The following GRAMD4 variants were observed in gnomAD, a reference collection of about 807,000 sequenced individuals.
The protein encoded by GRAMD4 is GRAM domain containing 4, also known as GRAM domain-containing protein 4.
Under a neutral mutation model 83.9 loss-of-function variants are expected in GRAMD4, and 25 were observed. The observed-to-expected ratio is 0.30, with a 90% confidence interval of 0.22 to 0.42. The LOEUF (loss-of-function observed/expected upper bound fraction) is 0.42, where lower values mean the gene tolerates loss of function less well. Among genes scored for constraint, GRAMD4 ranks in the 10% least tolerant of loss-of-function variants. The probability of loss-of-function intolerance (pLI) is 1.00; values close to 1 mark genes in which losing one functional copy is unlikely to be tolerated. For missense variants in GRAMD4, 593 were observed against 788.7 expected, an observed-to-expected ratio of 0.75 and a Z score of 2.97; for synonymous variants, 336 against 320.9, an observed-to-expected ratio of 1.05 and a Z score of -0.50.
chr22:46,679,314 G>C lies in GRAMD4; in HGVS notation c.*2063G>C. Reference sequence around the variant, plus strand: ...AGTTCGAGTCCCTTTTGTGGAGAAAGGGAGATGAAAACTGACCACGTGCCA... The same window carrying C: ...AGTTCGAGTCCCTTTTGTGGAGAAACGGAGATGAAAACTGACCACGTGCCA... On this transcript the variant is annotated 3_prime_UTR_variant, in exon 19 of 19. Coordinates refer to ENST00000406902, the MANE Select transcript of GRAMD4 (RefSeq NM_015124.5). The C allele has an allele frequency of 2.0e-6, 2 of 985,462 alleles. No individual in the cohort carries two copies. Among genetic ancestry groups the C allele is most frequent in the Non-Finnish European group, 2.4e-6 (2 of 829,954 alleles). 61.0% of individuals were successfully genotyped at this position (985,462 alleles called of 1,614,324 possible). A position where few individuals can be genotyped will look rare whatever the true frequency, so the allele number is the denominator to read the frequency against.
intron 3 of GRAMD4, among the ~76,000 whole-genome samples, chr22:46,641,968 T>C (rs994271699): frequency 6.6e-6 from 1 of 152,264 alleles, no homozygotes; most frequent in Non-Finnish European, 1.5e-5. Flanking sequence ...AGTTGCATTC[T>C]CTTCTGAGAG....
chr22:46,651,541 G>A (rs906886876), intron 3 of GRAMD4, among the ~76,000 whole-genome samples: 2 of 152,264 alleles, frequency 1.3e-5, no homozygotes, highest in Non-Finnish European at 1.5e-5. Flanking sequence ...CACCCGGGCA[G>A]CCTCCCATCC....
Position 46,656,330 on chromosome 22 carries a change from T to C in GRAMD4, c.284-1857T>C, listed in dbSNP as rs2082244328. Among the ~76,000 whole-genome samples the C allele has an allele frequency of 2.0e-5, 3 of 152,210 alleles. No individual in the cohort carries two copies. The South Asian group carries it at 6.2e-4, about 31-fold the overall frequency. On this transcript the variant is annotated intron_variant, in intron 3 of 18. Coordinates refer to ENST00000406902, the MANE Select transcript of GRAMD4 (RefSeq NM_015124.5). ...CTGGTGAGATGCAGGTGCCTGTCTC[T>C]TCCCTTTTGGGTACCGTGAGCCTGT...
intron 1 of GRAMD4, among the ~76,000 whole-genome samples, chr22:46,600,977 C>G (rs1244353246): frequency 6.6e-6 from 1 of 152,024 alleles, no homozygotes; most frequent in African/African-American, 2.4e-5. Flanking sequence ...AATCCCGTCT[C>G]TACTAAAAAT....
intron 3 of GRAMD4, among the ~76,000 whole-genome samples, chr22:46,639,357 G>A (rs1418741931): frequency 9.3e-6 from 1 of 107,260 alleles, no homozygotes; most frequent in Non-Finnish European, 2.1e-5. Flanking sequence ...CCCTGTGTGT[G>A]CACGTACGTG....
chr22:46,588,009 G>T (rs1245008106), intron 1 of GRAMD4: 2 of 921,688 alleles, frequency 2.2e-6, no homozygotes, highest in Non-Finnish European at 2.6e-6. Context: ...GGCGGGGAGG[G>T]AGTGGGTGGT....
downstream of GRAMD4, among the ~76,000 whole-genome samples, chr22:46,681,392 A>G (rs940880192): frequency 1.4e-4 from 22 of 152,358 alleles, no homozygotes; most frequent in East Asian, 3.5e-3. Context: ...ATATACCTCT[A>G]TCACCATTTA....
chr22:46,630,925 G>A (rs996362184), intron 2 of GRAMD4, among the ~76,000 whole-genome samples: 3 of 148,684 alleles, frequency 2.0e-5, no homozygotes, highest in South Asian at 2.1e-4. Context: ...TAGCTCCCTC[G>A]AGGGCCGTGT....
chr22:46,651,850 G>C lies in GRAMD4; in HGVS notation c.284-6337G>C, dbSNP rs189446972. On this transcript the variant is annotated intron_variant, in intron 3 of 18. Transcript: ENST00000406902. Reference sequence around the variant, plus strand: ...CCTTTGAGGGCGGAGCTGGAGGTGGGGGGGAGAGAGACGGAGCTAGGGGCT... The same window carrying C: ...CCTTTGAGGGCGGAGCTGGAGGTGGCGGGGAGAGAGACGGAGCTAGGGGCT... 1.2e-3 allele frequency among the ~76,000 whole-genome samples: 179 copies of C among 152,320 alleles called. 2 individuals carry two copies. The highest frequency in any genetic ancestry group is 6.4e-3 in the South Asian group (31 of 4,830).
chr22:46,657,034 G>C (rs1466936080), intron 3 of GRAMD4, among the ~76,000 whole-genome samples: 1 of 152,232 alleles, frequency 6.6e-6, no homozygotes. Flanking sequence ...GCAAGCCACT[G>C]CTGCCCCGTA....
chr22:46,666,601 C>T (rs2082412575), intron 9 of GRAMD4, among the ~76,000 whole-genome samples: 1 of 152,124 alleles, frequency 6.6e-6, no homozygotes, highest in Admixed American at 6.5e-5. Context: ...AATATGTCCC[C>T]TCTGCCCAGA....
intron 14 of GRAMD4, 80 bp from the exon 15 acceptor site, chr22:46,673,590 A>C: frequency 1.3e-6 from 2 of 1,500,812 alleles, no homozygotes; most frequent in Non-Finnish European, 9.1e-7. Flanking sequence ...GCTTTTGGGG[A>C]GGTGTGTGTG....
intron 1 of GRAMD4, among the ~76,000 whole-genome samples, chr22:46,608,362 C>G (rs924037719): frequency 1.3e-5 from 2 of 152,182 alleles, no homozygotes; most frequent in Non-Finnish European, 2.9e-5. Context: ...GTGGACCTTG[C>G]GGGTTTTTGA....
At chr22:46,583,051 A>G (rs756899748) in intron 1 of GRAMD4, among the ~76,000 whole-genome samples, 2 of 152,064 alleles carry the variant, frequency 1.3e-5, no homozygotes, top group African/African-American at 4.8e-5. Context: ...CAGCCTCCCA[A>G]GTAGCTGGGG....
At position 46,674,711 on chromosome 22, in the gene GRAMD4, C is replaced by T. The variant is rs751739548; in HGVS notation, c.1439C>T (p.Thr480Met). The stretch of plus-strand genomic sequence containing the variant: ...ATCAACAGGGACCGGAAGATGCCCA[C>T]GGACTACATCAGGAACGGGGTGCTC... ...CLINRDRKMP[T>M]DYIRNGVLYV... Residue 480 changes from threonine to methionine, a missense_variant, in exon 16 of 19, where the codon ACG (threonine) becomes ATG (methionine). Physicochemically the swap from Thr to Met is moderately conservative, Grantham distance 81 (BLOSUM62 -1). This residue lies in a region of GRAMD4 where 74 missense variants were observed against 152.7 expected (regional missense o/e 0.48). Coordinates refer to ENST00000406902, the MANE Select transcript of GRAMD4 (RefSeq NM_015124.5). 2.2e-5 allele frequency: 35 copies of T among 1,612,638 alleles called. No homozygotes were observed. The highest frequency in any genetic ancestry group is 2.7e-5 in the African/African-American group (2 of 74,918).
intron 1 of GRAMD4, among the ~76,000 whole-genome samples, chr22:46,593,641 G>T (rs779733920): frequency 1.3e-5 from 2 of 152,318 alleles, no homozygotes; most frequent in Admixed American, 1.3e-4. Context: ...GGCTTCCGGG[G>T]CATAGAATGG....
chr22:46,591,131 A>C (rs572563532), intron 1 of GRAMD4, among the ~76,000 whole-genome samples: 1 of 152,202 alleles, frequency 6.6e-6, no homozygotes, highest in East Asian at 1.9e-4. Context: ...GAATGGCCTA[A>C]GGTGGGAAAC....
At chr22:46,668,267 C>A (rs2748338) in intron 11 of GRAMD4, 100 bp downstream of exon 11, 386,532 of 772,624 alleles carry the variant, frequency 0.5, 99,515 homozygotes, top group African/African-American at 0.67. Flanking sequence ...CGCCGGCCTC[C>A]GCTGCTGCCT....
At chr22:46,628,471 G>A (rs2081707533) in intron 2 of GRAMD4, among the ~76,000 whole-genome samples, 1 of 136,230 alleles carries the variant, frequency 7.3e-6, no homozygotes, top group Non-Finnish European at 1.6e-5. Flanking sequence ...GGTGTCTGAG[G>A]GGCGGGTGGA....
Sources: gnomAD v4.1 joint callset for allele counts (sites outside exome capture counted in the v4.1 genomes callset) on GRCh38, gnomAD v4.1.1 for gene constraint, gnomAD v4.1.1 regional missense constraint, MANE v1.5 for transcripts, NCBI Gene and HGNC (gene_info 2026-07-23, HGNC 2026-07-21) for gene names.